Variants in UNC13B observed in about 807,000 individuals in gnomAD.
The protein encoded by UNC13B is unc-13 homolog B.
Under a neutral mutation model 211.0 loss-of-function variants are expected in UNC13B, and 144 were observed. The ratio of observed to expected loss-of-function variants is 0.68; its 90% confidence interval spans 0.60 to 0.78. The LOEUF (loss-of-function observed/expected upper bound fraction) is 0.78, where lower values mean the gene tolerates loss of function less well. Among genes scored for constraint, UNC13B ranks in the 30% least tolerant of loss-of-function variants. The pLI, the probability that UNC13B is intolerant of heterozygous loss-of-function variation, is 0.00. For missense variants in UNC13B, 1,777 were observed against 2,002.0 expected, an observed-to-expected ratio of 0.89 and a Z score of 2.14; for synonymous variants, 709 against 725.8, an observed-to-expected ratio of 0.98 and a Z score of 0.37.
At chr9:35,380,318 A>G (rs747908525) in intron 17 of UNC13B, 152 bp from the exon 18 acceptor site, 21 of 823,350 alleles carry the variant, frequency 2.6e-5, no homozygotes, top group Non-Finnish European at 3.5e-5. Context: ...GGATAGCCCA[A>G]CTTTCTTGGA....
At position 35,398,263 on chromosome 9, in the gene UNC13B, T is replaced by C. The variant is rs202145715; in HGVS notation, c.11807T>C (p.Met3936Thr). The change falls in exon 31 of 40, where the codon ATG becomes ACG. Residue 3936 changes from methionine to threonine, a missense_variant. Met to Thr is a moderately conservative substitution (Grantham distance 81). Transcript: ENST00000635942. ...CAACTGAGGGTCCAGCTGGAGAAAA[T>C]GTTTGAGGCCATGGGAGGCAAGGAG... ...VQQLRVQLEK[M>T]FEAMGGKELD... 16 of 1,613,748 alleles carry C rather than the reference T, an allele frequency of 9.9e-6. No homozygotes were observed. In the African/African-American group the frequency reaches 2.0e-4, roughly 20 times the overall value.
In UNC13B at chr9:35,201,759, A is replaced by C. The variant is rs536261935; in HGVS notation, c.23-26256A>C. Among the ~76,000 whole-genome samples the C allele has an allele frequency of 3.0e-3, 450 of 151,752 alleles. 2 individuals carry two copies. The highest frequency in any genetic ancestry group is 0.011 in the African/African-American group (436 of 41,342). ...TTATTAGTCTTGCTAGCGGTCTATCAATTTTGTTGATCTTTTCAAAAAACC... is the reference window on the plus strand; with the variant it reads ...TTATTAGTCTTGCTAGCGGTCTATCCATTTTGTTGATCTTTTCAAAAAACC... On this transcript the variant is annotated intron_variant, in intron 1 of 39. Coordinates refer to ENST00000635942, the MANE Select transcript of UNC13B (RefSeq NM_001371189.2).
At chr9:35,403,405 G>A (rs781756917) in intron 38 of UNC13B, 35 bp from the exon 39 acceptor site, 25 of 1,610,470 alleles carry the variant, frequency 1.6e-5, no homozygotes, top group Non-Finnish European at 8.5e-7. Flanking sequence ...GGAAATCCTG[G>A]TGGGATCCCT....
chr9:35,345,620 A>G (rs1832306726), intron 11 of UNC13B, among the ~76,000 whole-genome samples: 1 of 152,160 alleles, frequency 6.6e-6, no homozygotes, highest in Non-Finnish European at 1.5e-5. Flanking sequence ...CAGAAAGAGG[A>G]CTCAGAGGAG....
Position 35,307,488 on chromosome 9 carries a change from A to G in UNC13B, c.8084A>G (p.His2695Arg), listed in dbSNP as rs770212141. Residue 2695 changes from histidine to arginine, a missense_variant, in exon 9 of 40, where the codon CAT becomes CGT. By Grantham distance (29) the His-to-Arg change is conservative. Coordinates refer to ENST00000635942, the MANE Select transcript of UNC13B (RefSeq NM_001371189.2). ...ACAAACCAAGACTTACTGGAGCTGCATCCAGCCAGTTCACTAGAAACTGAT... is the reference window on the plus strand; with the variant it reads ...ACAAACCAAGACTTACTGGAGCTGCGTCCAGCCAGTTCACTAGAAACTGAT... ...ASTNQDLLEL[H>R]PASSLETDTM... is the part of the protein sequence containing the mutation. 1 of 398,934 alleles carries G rather than the reference A, an allele frequency of 2.5e-6. No homozygotes were observed. The allele number at this position is 398,934 out of a possible 1,614,324, so 24.7% of individuals were successfully genotyped here. A position where few individuals can be genotyped will look rare whatever the true frequency, so the allele number is the denominator to read the frequency against.
At position 35,301,253 on chromosome 9, in the gene UNC13B, T is replaced by C; in HGVS notation, c.1849T>C (p.Ser617Pro). Reference protein sequence around the residue: ...NVNIDRHRKTSENEHMGNKTG... With the variant: ...NVNIDRHRKTPENEHMGNKTG... ...GAATATAGACAGACATAGAAAAACC[T>C]CTGAAAATGAGCACATGGGTAATAA... Residue 617 changes from serine (S) to proline (P), a missense_variant, in exon 9 of 40, where the codon TCT becomes CCT. Coordinates refer to ENST00000635942, the MANE Select transcript of UNC13B (RefSeq NM_001371189.2). 1 of 398,808 alleles carries C rather than the reference T, an allele frequency of 2.5e-6. No homozygotes were observed. The highest frequency in any genetic ancestry group is 4.4e-6 in the Non-Finnish European group (1 of 225,930). 24.7% of individuals were successfully genotyped at this position (398,808 alleles called of 1,614,324 possible).
chr9:35,205,296 C>T (rs1160144568), intron 1 of UNC13B, among the ~76,000 whole-genome samples: 2 of 152,028 alleles, frequency 1.3e-5, no homozygotes, highest in Non-Finnish European at 2.9e-5. Context: ...TATGGCAATA[C>T]AAGAACAGAC....
intron 11 of UNC13B, chr9:35,342,158 T>C (rs1832041183): frequency 1.0e-6 from 1 of 985,386 alleles, no homozygotes; most frequent in African/African-American, 1.7e-5. Flanking sequence ...TTGGGTCTGT[T>C]TGTCGGTTGG....
At chr9:35,345,489 A>G (rs758249078) in intron 11 of UNC13B, among the ~76,000 whole-genome samples, 1 of 152,204 alleles carries the variant, frequency 6.6e-6, no homozygotes, top group Non-Finnish European at 1.5e-5. Context: ...AAGCATAGAC[A>G]GATACTAAGG....
rs1363910574 is a variant in UNC13B at position 35,386,292 on chromosome 9, T to G, written c.11093T>G (p.Leu3698Arg). Residue 3698 changes from leucine to arginine, a missense_variant and splice_region_variant, in exon 24 of 40, where the codon CTG (leucine) becomes CGG (arginine). Leu to Arg is a moderately radical substitution (Grantham distance 102, BLOSUM62 -2). Coordinates refer to ENST00000635942, the MANE Select transcript of UNC13B (RefSeq NM_001371189.2). Reference sequence around the variant, plus strand: ...GACTTATACAGCCGCCAGTACCAGCTGGTAAGAGGTTCAGGATCAGGTGGG... The same window carrying G: ...GACTTATACAGCCGCCAGTACCAGCGGGTAAGAGGTTCAGGATCAGGTGGG... ...CHDLYSRQYQ[L>R]KQELPPEEQG... 3 of 1,614,120 alleles carry G rather than the reference T, an allele frequency of 1.9e-6. No homozygotes were observed.
chr9:35,402,231 AAAG>A (rs746181189), intron 37 of UNC13B, among the ~76,000 whole-genome samples: 1 of 151,828 alleles, frequency 6.6e-6, no homozygotes, highest in Non-Finnish European at 1.5e-5. Flanking sequence ...ACCTCAGGAC[AAAG>A]AAGGATTTTC....
rs1163153742 is a variant in UNC13B, at chr9:35,366,982, G to C, written c.9450G>C (p.Trp3150Cys). 1 of 1,613,684 alleles carries C rather than the reference G, an allele frequency of 6.2e-7. No individual in the cohort carries two copies. Among genetic ancestry groups the C allele is most frequent in the Non-Finnish European group, 8.5e-7 (1 of 1,179,758 alleles). The change falls in exon 12 of 40, where the codon TGG (tryptophan) becomes TGC (cysteine). Residue 3150 changes from tryptophan to cysteine, a missense_variant. Trp to Cys is a radical substitution (Grantham distance 215). Coordinates refer to ENST00000635942, the MANE Select transcript of UNC13B (RefSeq NM_001371189.2). The stretch of plus-strand genomic sequence containing the variant: ...ATGGTGACCCCTCTCTGCCTCAGTG[G>C]CTCCCGGAAGGGTAAGTAATTCACT... ...PDDGDPSLPQ[W>C]LPEGPAGGLY...
intron 13 of UNC13B, 60 bp from the exon 14 acceptor site, chr9:35,375,067 C>T: frequency 6.3e-7 from 1 of 1,585,590 alleles, no homozygotes; most frequent in South Asian, 1.1e-5. Context: ...GAAGCTCCCT[C>T]CCCCAGACTT....
In UNC13B at chr9:35,301,599, A is replaced by G. The variant is rs1587574265; in HGVS notation, c.2195A>G (p.Gln732Arg). ...ACAAGTGAGAATTTGTTGTCCTCCC[A>G]AGTAACCAGTGAACCTTCAAACTTA... ...MPTSENLLSS[Q>R]VTSEPSNLVS... The change falls in exon 9 of 40, where the codon CAA becomes CGA. Residue 732 changes from glutamine (Q) to arginine (R), a missense_variant. Transcript: ENST00000635942. 3 of 398,920 alleles carry G rather than the reference A, an allele frequency of 7.5e-6. No individual in the cohort carries two copies. The highest frequency in any genetic ancestry group is 1.3e-3 in the Middle Eastern group (2 of 1,588). 24.7% of individuals were successfully genotyped at this position (398,920 alleles called of 1,614,324 possible).
At chr9:35,240,393 A>G (rs1428926111) in intron 5 of UNC13B, among the ~76,000 whole-genome samples, 2 of 152,172 alleles carry the variant, frequency 1.3e-5, no homozygotes, top group Non-Finnish European at 2.9e-5. Flanking sequence ...TGATTTAAGC[A>G]AAAATGACAT....
intron 5 of UNC13B, among the ~76,000 whole-genome samples, chr9:35,240,106 T>C (rs928438503): frequency 2.6e-5 from 4 of 152,166 alleles, no homozygotes; most frequent in African/African-American, 9.7e-5. Context: ...TGTTCAGAGA[T>C]TGCAGTAAAG....
chr9:35,264,692 G>A (rs572176990), intron 7 of UNC13B, among the ~76,000 whole-genome samples: 17 of 152,274 alleles, frequency 1.1e-4, no homozygotes, highest in African/African-American at 3.9e-4. Flanking sequence ...TGGGGGCAAG[G>A]TCATTTACTT....
At chr9:35,402,033 G>T in intron 37 of UNC13B, 1 of 1,547,880 alleles carries the variant, frequency 6.5e-7, no homozygotes, top group South Asian at 1.2e-5. Context: ...TGCAGATATG[G>T]ATCTAACATG....
intron 2 of UNC13B, 57 bp downstream of exon 2, chr9:35,228,101 A>C: frequency 7.0e-7 from 1 of 1,420,450 alleles, no homozygotes; most frequent in Non-Finnish European, 9.6e-7. Context: ...ATTTCAAAGC[A>C]ATTTAAAAAA....
Sources: gnomAD v4.1 joint callset for allele counts (sites outside exome capture counted in the v4.1 genomes callset) on GRCh38, gnomAD v4.1.1 for gene constraint, MANE v1.5 for transcripts, NCBI Gene and HGNC (gene_info 2026-07-23, HGNC 2026-07-21) for gene names.